ZFPM2: variants seen among roughly 807,000 people sequenced by gnomAD.
ZFPM2 encodes zinc finger protein, FOG family member 2, also known as zinc finger protein ZFPM2.
ZFPM2 carries 20 observed loss-of-function variants against 98.6 expected under a neutral mutation model. That is an observed-to-expected ratio of 0.20 (90% confidence interval 0.14 to 0.29). The LOEUF (loss-of-function observed/expected upper bound fraction) is 0.29. Ranked by LOEUF, ZFPM2 falls within the 10% of genes least tolerant of loss-of-function variation. ZFPM2 has a pLI of 1.00. For synonymous variants in ZFPM2, 518 were observed against 502.7 expected (o/e 1.03, Z -0.41); for missense variants, 1,310 against 1,388.6 (o/e 0.94, Z 0.90).
intron 5 of ZFPM2, among the ~76,000 whole-genome samples, chr8:105,755,274 G>A (rs10098615): frequency 1.3e-5 from 2 of 152,036 alleles, no homozygotes; most frequent in African/African-American, 4.8e-5. Flanking sequence ...TCACCCTTAT[G>A]CAAGGAGAAT....
At chr8:105,505,565 A>G (rs1813682438) in intron 3 of ZFPM2, among the ~76,000 whole-genome samples, 2 of 152,158 alleles carry the variant, frequency 1.3e-5, no homozygotes, top group African/African-American at 4.8e-5. Flanking sequence ...ACATTCTAAT[A>G]AAGTCAGTAA....
intron 5 of ZFPM2, among the ~76,000 whole-genome samples, chr8:105,738,675 AC>A (rs1331645640): frequency 1.3e-5 from 2 of 151,854 alleles, no homozygotes; most frequent in African/African-American, 4.8e-5. Context: ...AACCTCACCA[AC>A]ATCTGTTATT....
At chr8:105,437,194 A>G (rs1303163206) in intron 2 of ZFPM2, among the ~76,000 whole-genome samples, 4 of 152,156 alleles carry the variant, frequency 2.6e-5, no homozygotes, top group African/African-American at 9.7e-5. Flanking sequence ...ATAGGTGCAA[A>G]ATGTAATTTA....
Position 105,801,071 on chromosome 8 carries a change from C to G in ZFPM2, c.989C>G (p.Pro330Arg). 4 of 1,613,028 alleles carry G rather than the reference C, an allele frequency of 2.5e-6. No individual in the cohort carries two copies. Among genetic ancestry groups the G allele is most frequent in the Non-Finnish European group, 3.4e-6 (4 of 1,179,214 alleles). Reference protein sequence around the residue: ...HSGVKMEEFLPPGASLKCTVC... With the variant: ...HSGVKMEEFLRPGASLKCTVC... The stretch of plus-strand genomic sequence containing the variant: ...GGAGTGAAAATGGAAGAATTCCTGC[C>G]CCCTGGTGCTAGTCTAAAATGCACC... Residue 330 changes from proline to arginine, a missense_variant, in exon 8 of 8, where the codon CCC becomes CGC. Pro to Arg is a moderately radical substitution (Grantham distance 103). Coordinates refer to ENST00000407775, the MANE Select transcript of ZFPM2 (RefSeq NM_012082.4).
At chr8:105,393,894 CTTTTTTT>C (rs771677766) in intron 1 of ZFPM2, among the ~76,000 whole-genome samples, 2 of 134,748 alleles carry the variant, frequency 1.5e-5, no homozygotes, top group Non-Finnish European at 3.2e-5. Flanking sequence ...TAAAATATTT[CTTTTTTT>C]TTTTTTTTTT....
intron 4 of ZFPM2, among the ~76,000 whole-genome samples, chr8:105,592,897 C>T (rs1815881260): frequency 6.6e-6 from 1 of 152,142 alleles, no homozygotes; most frequent in South Asian, 2.1e-4. Context: ...GAGCTGCTTG[C>T]CTCATTTCAT....
intron 5 of ZFPM2, among the ~76,000 whole-genome samples, chr8:105,693,019 A>G (rs1810925256): frequency 6.6e-6 from 1 of 152,218 alleles, no homozygotes; most frequent in Non-Finnish European, 1.5e-5. Context: ...TAGGTGGGCA[A>G]CTACTGAAAT....
intron 5 of ZFPM2, among the ~76,000 whole-genome samples, chr8:105,779,428 G>A (rs1306689946): frequency 6.6e-6 from 1 of 152,166 alleles, no homozygotes; most frequent in Non-Finnish European, 1.5e-5. Context: ...AAAGAAACAT[G>A]TATAGACATA....
At chr8:105,546,373 T>A (rs1276670049) in intron 3 of ZFPM2, among the ~76,000 whole-genome samples, 1 of 151,778 alleles carries the variant, frequency 6.6e-6, no homozygotes, top group Non-Finnish European at 1.5e-5. Context: ...GGCCGGGAGT[T>A]CAAGACCAGC....
chr8:105,788,814 G>C lies in ZFPM2; in HGVS notation c.629G>C (p.Ser210Thr), dbSNP rs182216711. 5,179 of 1,613,990 alleles carry C rather than the reference G, an allele frequency of 3.2e-3. 8 individuals are homozygous for C. The highest frequency in any genetic ancestry group is 6.2e-3 in the Admixed American group (372 of 60,026). The change falls in exon 6 of 8, where the codon AGT becomes ACT. Residue 210 changes from serine (S) to threonine (T), a missense_variant. Transcript: ENST00000407775. ...VDFDSRLQAASQMTLTEGMYP... is the reference protein window; with the variant it reads ...VDFDSRLQAATQMTLTEGMYP... ...TTTGACTCAAGGCTACAAGCTGCCA[G>C]TCAGATGACTCTCACAGAAGGGATG...
chr8:105,381,313 G>A (rs1810884280), intron 1 of ZFPM2, among the ~76,000 whole-genome samples: 2 of 151,906 alleles, frequency 1.3e-5, no homozygotes, highest in Admixed American at 6.6e-5. Context: ...ATTCCATGGT[G>A]TATATGTGCC....
At chr8:105,617,981 G>A (rs1405971595) in intron 4 of ZFPM2, among the ~76,000 whole-genome samples, 1 of 151,968 alleles carries the variant, frequency 6.6e-6, no homozygotes, top group Admixed American at 6.6e-5. Flanking sequence ...TTGATATTTA[G>A]TATCTCAACT....
intron 1 of ZFPM2, among the ~76,000 whole-genome samples, chr8:105,409,230 A>T (rs1263149900): frequency 6.6e-6 from 1 of 151,882 alleles, no homozygotes; most frequent in Non-Finnish European, 1.5e-5. Flanking sequence ...AGCATGCCAT[A>T]ATTTTAAAAA....
chr8:105,347,905 C>T (rs931096469), intron 1 of ZFPM2, among the ~76,000 whole-genome samples: 3 of 152,024 alleles, frequency 2.0e-5, no homozygotes, highest in African/African-American at 7.3e-5. Flanking sequence ...CGCTCCCCAC[C>T]CCCGACATAC....
At chr8:105,679,161 A>C (rs1810542546) in intron 5 of ZFPM2, 1 of 152,192 alleles carries the variant, frequency 6.6e-6, no homozygotes, top group Admixed American at 6.5e-5. Flanking sequence ...TTATGCACAA[A>C]TTTTAATTAT....
Position 105,802,060 on chromosome 8 carries a change from G to T in ZFPM2, c.1978G>T (p.Asp660Tyr). Residue 660 changes from aspartate to tyrosine, a missense_variant, in exon 8 of 8, where the codon GAT becomes TAT. Physicochemically the swap from Asp to Tyr is radical, Grantham distance 160 (BLOSUM62 -3). Transcript: ENST00000407775. The stretch of plus-strand genomic sequence containing the variant: ...GAAGCTCTCCACCTCCAGTAACAAT[G>T]ATGACAAAATTAATGGAAAACCTGT... The part of the protein sequence containing the change: ...TKKLSTSSNN[D>Y]DKINGKPVDV... 6.2e-7 allele frequency: 1 copy of T among 1,613,754 alleles called. No homozygotes were observed. Among genetic ancestry groups the T allele is most frequent in the Non-Finnish European group, 8.5e-7 (1 of 1,179,838 alleles).
At chr8:105,373,032 C>A (rs1293469310) in intron 1 of ZFPM2, among the ~76,000 whole-genome samples, 2 of 152,064 alleles carry the variant, frequency 1.3e-5, no homozygotes, top group Non-Finnish European at 2.9e-5. Context: ...CTCTGACCAG[C>A]ATGGTTTTAG....
At chr8:105,683,353 A>G (rs2130924808) in intron 5 of ZFPM2, among the ~76,000 whole-genome samples, 1 of 152,288 alleles carries the variant, frequency 6.6e-6, no homozygotes, top group Non-Finnish European at 1.5e-5. Context: ...GCTCCCAAAC[A>G]GGAATTTGCT....
intron 3 of ZFPM2, among the ~76,000 whole-genome samples, chr8:105,489,372 A>ATTTATATATTTATAGATATATATTT (rs1444889256): frequency 6.8e-6 from 1 of 146,662 alleles, no homozygotes; most frequent in Non-Finnish European, 1.5e-5. Context: ...ATAGGTATAT[A>ATTTATATATTTATAGATATATATTT]TTTATATATT....
Sources: allele counts gnomAD v4.1 joint callset (sites outside exome capture counted in the v4.1 genomes callset), GRCh38; gene constraint gnomAD v4.1.1; transcripts MANE v1.5; gene names NCBI Gene and HGNC (gene_info 2026-07-23, HGNC 2026-07-21).